FHIT: variants seen among roughly 807,000 people sequenced by gnomAD.
FHIT encodes bis(5'-adenosyl)-triphosphatase.
In FHIT, 19 loss-of-function variants were observed where a neutral mutation model predicts 17.9. The ratio of observed to expected loss-of-function variants is 1.06; its 90% CI spans 0.74 to 1.56. The LOEUF (loss-of-function observed/expected upper bound fraction) is 1.56, where lower values mean the gene tolerates loss of function less well. FHIT is among the 40% of genes most tolerant of loss of function. The pLI is 0.00. For synonymous variants in FHIT, 81 were observed against 69.7 expected (o/e 1.16, Z -0.81); for missense variants, 248 against 189.2 (o/e 1.31, Z -1.82).
At chr3:59,958,715 A>C (rs1363398944) in intron 7 of FHIT, among the ~76,000 whole-genome samples, 1 of 152,140 alleles carries the variant, frequency 6.6e-6, no homozygotes, top group Non-Finnish European at 1.5e-5. Flanking sequence ...CCGCTATGTA[A>C]TTTCTACTCT....
chr3:60,086,310 G>A (rs1243194722), intron 5 of FHIT, among the ~76,000 whole-genome samples: 1 of 152,090 alleles, frequency 6.6e-6, no homozygotes, highest in Non-Finnish European at 1.5e-5. Flanking sequence ...CCATCATTGG[G>A]GATCAAGTTT....
At position 61,051,715 on chromosome 3, in the gene FHIT, A is replaced by C. The variant is rs542956248; in HGVS notation, c.-163-9616T>G. Among the ~76,000 whole-genome samples, 145 of 152,332 alleles carry C rather than the reference A, an allele frequency of 9.5e-4. 1 individual carries two copies. The highest frequency in any genetic ancestry group is 3.3e-3 in the African/African-American group (138 of 41,560). ...GCAAATTTTAAGCCAAAAAAGAAAT[A>C]TAACACATGCAAAGAGATGTGGGGA... On this transcript the variant is annotated intron_variant, in intron 2 of 9. Coordinates refer to ENST00000492590, the MANE Select transcript of FHIT (RefSeq NM_002012.4).
At position 61,015,638 on chromosome 3, in the gene FHIT, T is replaced by C. The variant is rs537113695; in HGVS notation, c.-111+26409A>G. ...TAGCAATTTTATGCATTCAGCTGGA[T>C]ACAATGCAACTCCTGGTTATTAGAA... On this transcript the variant is annotated intron_variant, in intron 3 of 9. Coordinates refer to ENST00000492590, the MANE Select transcript of FHIT (RefSeq NM_002012.4). 3.9e-5 allele frequency among the ~76,000 whole-genome samples: 6 copies of C among 152,292 alleles called. No homozygotes were observed. The South Asian group carries it at 6.2e-4, about 16-fold the overall frequency.
At chr3:60,006,801 AT>A (rs1213775594) in intron 7 of FHIT, among the ~76,000 whole-genome samples, 1 of 152,126 alleles carries the variant, frequency 6.6e-6, no homozygotes, top group Non-Finnish European at 1.5e-5. Context: ...AAGAGATAAA[AT>A]GTCCTCATTT....
intron 5 of FHIT, among the ~76,000 whole-genome samples, chr3:60,125,172 G>C (rs1011502229): frequency 1.3e-5 from 2 of 152,210 alleles, no homozygotes; most frequent in Non-Finnish European, 2.9e-5. Context: ...CATGGAGCAA[G>C]ATGGAGATGA....
intron 3 of FHIT, among the ~76,000 whole-genome samples, chr3:60,840,674 A>G (rs1553744855): frequency 2.0e-5 from 3 of 152,158 alleles, no homozygotes; most frequent in Non-Finnish European, 1.5e-5. Flanking sequence ...TTTTCTCCCC[A>G]CATTCTTCTT....
chr3:60,849,315 T>G (rs2106903681), intron 3 of FHIT, among the ~76,000 whole-genome samples: 1 of 151,902 alleles, frequency 6.6e-6, no homozygotes, highest in Non-Finnish European at 1.5e-5. Flanking sequence ...GATGTGTGAT[T>G]ATACCATTTA....
At chr3:61,074,866 A>G (rs1353504123) in intron 2 of FHIT, among the ~76,000 whole-genome samples, 1 of 152,210 alleles carries the variant, frequency 6.6e-6, no homozygotes. Flanking sequence ...ACCCCATAAC[A>G]GAATCCTCCC....
chr3:60,288,392 C>T (rs557609388), intron 5 of FHIT, among the ~76,000 whole-genome samples: 9 of 152,148 alleles, frequency 5.9e-5, no homozygotes, highest in Admixed American at 1.3e-4. Flanking sequence ...GGCTGGCTAC[C>T]GTGCCCTCAA....
intron 4 of FHIT, among the ~76,000 whole-genome samples, chr3:60,678,676 G>T (rs1373273310): frequency 2.0e-5 from 3 of 152,032 alleles, no homozygotes; most frequent in South Asian, 2.1e-4. Flanking sequence ...TAGAAATAGG[G>T]GTTAATAGAT....
chr3:61,200,027 T>C (rs1238244552), intron 2 of FHIT, among the ~76,000 whole-genome samples: 4 of 152,196 alleles, frequency 2.6e-5, no homozygotes, highest in Middle Eastern at 3.2e-3. Context: ...ATTGTAATGT[T>C]TCACAAGAGA....
chr3:60,178,098 A>G (rs1006698668), intron 5 of FHIT, among the ~76,000 whole-genome samples: 4 of 152,188 alleles, frequency 2.6e-5, no homozygotes, highest in Non-Finnish European at 5.9e-5. Context: ...ACACTGAAAG[A>G]AGAAATTTCT....
At chr3:59,977,467 C>T (rs556717525) in intron 7 of FHIT, among the ~76,000 whole-genome samples, 63 of 152,266 alleles carry the variant, frequency 4.1e-4, no homozygotes, top group African/African-American at 1.4e-3. Flanking sequence ...GTAGAAGAAT[C>T]CACCATTGGC....
intron 5 of FHIT, among the ~76,000 whole-genome samples, chr3:60,343,391 C>A (rs369209565): frequency 3.9e-5 from 6 of 152,178 alleles, no homozygotes; most frequent in East Asian, 1.9e-4. Flanking sequence ...AGGCAGCAGG[C>A]AATCAAAAGG....
At position 59,986,540 on chromosome 3, in the gene FHIT, T is replaced by TACACACACACAC. The variant is rs1315976727; in HGVS notation, c.279+24819_279+24830dup. On this transcript the variant is annotated intron_variant, in intron 7 of 9. Transcript: ENST00000492590. ...ATATATATATATATATATATATATA[T>TACACACACACAC]ACACACACACACACACACACACACA... is the stretch of plus-strand genomic sequence containing the variant. Among the ~76,000 whole-genome samples the TACACACACACAC allele has an allele frequency of 8.4e-3, 103 of 12,330 alleles. 3 individuals carry two copies. The highest frequency in any genetic ancestry group is 0.014 in the African/African-American group (40 of 2,814). 8.1% of individuals were successfully genotyped at this position (12,330 alleles called of 152,430 possible). A position where few individuals can be genotyped will look rare whatever the true frequency, so the allele number is the denominator to read the frequency against.
At chr3:61,044,443 A>C (rs186504288) in intron 2 of FHIT, among the ~76,000 whole-genome samples, 215 of 152,314 alleles carry the variant, frequency 1.4e-3, no homozygotes, top group Non-Finnish European at 2.2e-3. Flanking sequence ...AAAAAGAGTA[A>C]AAAGAGATGA....
chr3:60,085,863 C>G (rs769176163), intron 5 of FHIT, among the ~76,000 whole-genome samples: 3 of 152,218 alleles, frequency 2.0e-5, no homozygotes, highest in Non-Finnish European at 2.9e-5. Flanking sequence ...GAAAGTCCCT[C>G]ACACACAGTC....
intron 2 of FHIT, among the ~76,000 whole-genome samples, chr3:61,070,569 T>C (rs2034770304): frequency 6.6e-6 from 1 of 152,196 alleles, no homozygotes; most frequent in South Asian, 2.1e-4. Context: ...TCTCTTTGGC[T>C]CTACCCAGGA....
At chr3:60,211,791 G>A (rs1703463918) in intron 5 of FHIT, among the ~76,000 whole-genome samples, 1 of 152,090 alleles carries the variant, frequency 6.6e-6, no homozygotes, top group South Asian at 2.1e-4. Flanking sequence ...CATTCTGACT[G>A]GGGAAAACCA....
Sources: allele counts gnomAD v4.1 joint callset (sites outside exome capture counted in the v4.1 genomes callset), GRCh38; gene constraint gnomAD v4.1.1; transcripts MANE v1.5; gene names NCBI Gene and HGNC (gene_info 2026-07-23, HGNC 2026-07-21).